PRR14L: variants seen among roughly 807,000 people sequenced by gnomAD.
The protein encoded by PRR14L is protein PRR14L.
In PRR14L, 80 loss-of-function variants were observed where a neutral mutation model predicts 155.0. That is an observed-to-expected ratio of 0.52 (90% CI 0.43 to 0.62). PRR14L has a LOEUF of 0.62. PRR14L is among the 20% of genes least tolerant of loss of function. The pLI is 0.00. For synonymous variants in PRR14L, 883 were observed against 916.0 expected, an observed-to-expected ratio of 0.96 and a Z score of 0.65; for missense variants, 2,469 against 2,548.0, an observed-to-expected ratio of 0.97 and a Z score of 0.67.
chr22:31,698,060 C>T (rs9621317), intron 7 of PRR14L, among the ~76,000 whole-genome samples: 46,321 of 148,794 alleles, frequency 0.31, 8,511 homozygotes, highest in African/African-American at 0.53. Context: ...TGTTGTAATT[C>T]TTTTTTTTTT....
intron 2 of PRR14L, among the ~76,000 whole-genome samples, chr22:31,729,496 C>T (rs565998120): frequency 8.5e-5 from 13 of 152,262 alleles, no homozygotes; most frequent in African/African-American, 2.9e-4. Flanking sequence ...GGATTACAGG[C>T]GTGAGCCACC....
At chr22:31,743,766 C>T (rs1039135460) in intron 1 of PRR14L, among the ~76,000 whole-genome samples, 2 of 150,808 alleles carry the variant, frequency 1.3e-5, no homozygotes, top group Non-Finnish European at 3.0e-5. Flanking sequence ...GGGGCCACTG[C>T]ACTCCAGACT....
Position 31,685,270 on chromosome 22 carries a change from G to A in PRR14L, c.*257C>T, listed in dbSNP as rs907883981. 27 of 396,312 alleles carry A rather than the reference G, an allele frequency of 6.8e-5. No individual in the cohort carries two copies. The highest frequency in any genetic ancestry group is 3.1e-4 in the South Asian group (7 of 22,620). The allele number at this position is 396,312 out of a possible 1,614,324, so 24.5% of individuals were successfully genotyped here. A position where few individuals can be genotyped will look rare whatever the true frequency, so the allele number is the denominator to read the frequency against. ...GAGGAGGTGGCTGGATGTCGTTCAG[G>A]TCCATTTCCAGGAGAAAGGGAGCAT... On this transcript the variant is annotated 3_prime_UTR_variant, in exon 9 of 9. Transcript: ENST00000327423.
chr22:31,744,080 C>T lies in PRR14L; in HGVS notation c.-51-5169G>A, dbSNP rs140384224. On this transcript the variant is annotated intron_variant, in intron 1 of 8. Coordinates refer to ENST00000327423, the MANE Select transcript of PRR14L (RefSeq NM_173566.3). ...TCGCCCAGGCTGGAGTGTGGTGGTG[C>T]GATCATAGCTCACTATAACCTTGAA... 2.2e-3 allele frequency among the ~76,000 whole-genome samples: 327 copies of T among 146,254 alleles called. 6 individuals are homozygous for T. In the East Asian group the frequency reaches 0.059, roughly 27 times the overall value.
At chr22:31,742,105 A>G (rs2074816298) in intron 1 of PRR14L, among the ~76,000 whole-genome samples, 1 of 152,136 alleles carries the variant, frequency 6.6e-6, no homozygotes, top group African/African-American at 2.4e-5. Context: ...TTTCCCAACA[A>G]CATACACAGT....
At position 31,712,860 on chromosome 22, in the gene PRR14L, AG is replaced by A; in HGVS notation, c.4978del (p.Leu1660TrpfsTer11). 6.4e-7 allele frequency: 1 copy of A among 1,552,024 alleles called. No individual in the cohort carries two copies. The highest frequency in any genetic ancestry group is 8.7e-7 in the Non-Finnish European group (1 of 1,147,074). On this transcript the variant is annotated frameshift_variant, in exon 4 of 9. Transcript: ENST00000327423. LOFTEE classifies it high-confidence loss of function. ...SYKRLRYKRLLDGFSSSTEQL... is the reference protein window; with the variant it reads ...SYKRLRYKRLXDGFSSSTEQL... ...CTCTGTGCTGGATGAAAATCCGTCC[AG>A]GAGTCTTTTATATCTGAGGCGCTTG...
Position 31,705,842 on chromosome 22 carries a change from A to C in PRR14L, c.5757-1116T>G, listed in dbSNP as rs1457482176. Among the ~76,000 whole-genome samples the C allele has an allele frequency of 2.6e-5, 4 of 151,558 alleles. No homozygotes were observed. The East Asian group carries it at 7.9e-4, about 30-fold the overall frequency. ...TGGCAAAACCCCATCTCTACTAAAA[A>C]TACAAAAAATTAGCTGGGTGTGGTG... On this transcript the variant is annotated intron_variant, in intron 4 of 8. Transcript: ENST00000327423.
At chr22:31,688,592 A>C (rs535483607) in intron 7 of PRR14L, among the ~76,000 whole-genome samples, 3 of 152,168 alleles carry the variant, frequency 2.0e-5, no homozygotes, top group Non-Finnish European at 4.4e-5. Context: ...TTTCCAGGGT[A>C]CCAACCTTCA....
chr22:31,688,004 C>G, intron 8 of PRR14L, 152 bp downstream of exon 8: 1 of 685,742 alleles, frequency 1.5e-6, no homozygotes. Flanking sequence ...TGCACTCCAG[C>G]CTGGGCGACA....
In PRR14L at chr22:31,715,243, T is replaced by G. The variant is rs1343170676; in HGVS notation, c.2596A>C (p.Ser866Arg). ...RELDGKETNG[S>R]LPGDKIRNKM... is the part of the protein sequence containing the mutation. ...TTTCTGATCTTATCTCCTGGAAGGC[T>G]GCCATTCGTTTCTTTCCCATCAAGT... Residue 866 changes from serine to arginine, a missense_variant, in exon 4 of 9, where the codon AGC (serine) becomes CGC (arginine). Coordinates refer to ENST00000327423, the MANE Select transcript of PRR14L (RefSeq NM_173566.3). 4 of 1,552,394 alleles carry G rather than the reference T, an allele frequency of 2.6e-6. No homozygotes were observed. In the South Asian group the frequency reaches 4.8e-5, roughly 18 times the overall value.
intron 1 of PRR14L, among the ~76,000 whole-genome samples, chr22:31,748,489 G>C (rs1254537399): frequency 6.6e-6 from 1 of 152,156 alleles, no homozygotes; most frequent in Non-Finnish European, 1.5e-5. Flanking sequence ...GAGGCTTCCT[G>C]TATAAAAGAT....
At chr22:31,736,218 C>CA (rs1212304644) in intron 2 of PRR14L, among the ~76,000 whole-genome samples, 5,434 of 84,758 alleles carry the variant, frequency 0.064, 198 homozygotes, top group Middle Eastern at 0.11. Flanking sequence ...GACTCCATCT[C>CA]AAAAAAAAAA....
chr22:31,714,877 A>G lies in PRR14L; in HGVS notation c.2962T>C (p.Ser988Pro), dbSNP rs2074646234. The change falls in exon 4 of 9, where the codon TCA (serine) becomes CCA (proline). Residue 988 changes from serine to proline, a missense_variant. Ser to Pro is a moderately conservative substitution (Grantham distance 74, BLOSUM62 -1). This residue lies in a region of PRR14L where 2,363 missense variants were observed against 2,371.6 expected (regional missense o/e 1.00). Transcript: ENST00000327423. ...TCACTACTTAGCATCTCCTTGGCTG[A>G]CTGACCTTCACTTTTGCATTCATCT... ...RPDECKSEGQ[S>P]AKEMLSSDQR... 2 of 1,551,942 alleles carry G rather than the reference A, an allele frequency of 1.3e-6. No homozygotes were observed. Among genetic ancestry groups the G allele is most frequent in the Non-Finnish European group, 1.7e-6 (2 of 1,147,046 alleles).
chr22:31,744,133 AT>A (rs1043296702), intron 1 of PRR14L, among the ~76,000 whole-genome samples: 1,811 of 137,060 alleles, frequency 0.013, 12 homozygotes, highest in Middle Eastern at 0.033. Flanking sequence ...TGCCTGGTTA[AT>A]TTTTTTTTTT....
intron 5 of PRR14L, among the ~76,000 whole-genome samples, chr22:31,704,162 A>G (rs2074577639): frequency 6.6e-6 from 1 of 152,172 alleles, no homozygotes; most frequent in South Asian, 2.1e-4. Flanking sequence ...TATCCAGTCA[A>G]CCTGCATTCT....
chr22:31,701,273 C>G (rs2074561942), intron 7 of PRR14L, among the ~76,000 whole-genome samples: 1 of 152,180 alleles, frequency 6.6e-6, no homozygotes, highest in Non-Finnish European at 1.5e-5. Context: ...CAGGTGTGAG[C>G]CACTGCACCC....
At chr22:31,686,514 C>A (rs958791897) in intron 8 of PRR14L, among the ~76,000 whole-genome samples, 5 of 151,986 alleles carry the variant, frequency 3.3e-5, no homozygotes, top group Non-Finnish European at 7.4e-5. Flanking sequence ...ACAGCCTCGA[C>A]ATCCTGGGCT....
At chr22:31,731,565 CAAAAAAAAA>C (rs55727852) in intron 2 of PRR14L, among the ~76,000 whole-genome samples, 4 of 49,262 alleles carry the variant, frequency 8.1e-5, no homozygotes, top group Non-Finnish European at 1.6e-4. Flanking sequence ...GAGACTGTCT[CAAAAAAAAA>C]AAAAAAAAAA....
In PRR14L at chr22:31,685,818, C is replaced by T. The variant is rs538256812; in HGVS notation, c.6180-15G>A. On this transcript the variant is annotated splice_polypyrimidine_tract_variant and intron_variant, in intron 8 of 8. Coordinates refer to ENST00000327423, the MANE Select transcript of PRR14L (RefSeq NM_173566.3). ...TCTCTAAACACCTAAGGATGAAGCA[C>T]GAAACAATCACCAACAGACTGACTC... The T allele has an allele frequency of 1.7e-5, 26 of 1,549,120 alleles. No homozygotes were observed. Among genetic ancestry groups the T allele is most frequent in the East Asian group, 9.8e-5 (4 of 40,892 alleles).
Sources: allele counts gnomAD v4.1 joint callset (sites outside exome capture counted in the v4.1 genomes callset), GRCh38; gene constraint gnomAD v4.1.1; regional missense constraint gnomAD v4.1.1; transcripts MANE v1.5; gene names NCBI Gene and HGNC (gene_info 2026-07-23, HGNC 2026-07-21).